Variants in SOX5 observed in about 807,000 individuals in gnomAD.
SOX5 encodes the protein transcription factor SOX-5.
Under a neutral mutation model 92.0 loss-of-function variants are expected in SOX5, and 9 were observed. That is an observed-to-expected ratio of 0.10 (90% CI 0.06 to 0.17). The LOEUF is 0.17. SOX5 is among the 10% of genes least tolerant of loss of function. The pLI, the probability that SOX5 is intolerant of heterozygous loss-of-function variation, is 1.00. For missense variants in SOX5, 642 were observed against 944.5 expected (o/e 0.68, Z 4.20); for synonymous variants, 344 against 336.3 (o/e 1.02, Z -0.25).
chr12:23,734,273 C>G (rs1359438592), intron 6 of SOX5, among the ~76,000 whole-genome samples: 1 of 152,152 alleles, frequency 6.6e-6, no homozygotes, highest in Non-Finnish European at 1.5e-5. Context: ...ATCTTTATCA[C>G]ACATGGCTCT....
chr12:24,124,264 G>A (rs1419425497), intron 4 of SOX5, among the ~76,000 whole-genome samples: 1 of 152,098 alleles, frequency 6.6e-6, no homozygotes, highest in Non-Finnish European at 1.5e-5. Flanking sequence ...TTTAATGTAA[G>A]GCAGAAAAAT....
At chr12:23,846,393 G>A (rs2096575690) in intron 2 of SOX5, among the ~76,000 whole-genome samples, 200 bp from the exon 3 acceptor site, 1 of 152,142 alleles carries the variant, frequency 6.6e-6, no homozygotes, top group Non-Finnish European at 1.5e-5. Context: ...AAGAAACCAA[G>A]AAATTTCAAA....
At chr12:23,986,576 C>A (rs1203439794) in intron 4 of SOX5, among the ~76,000 whole-genome samples, 1 of 152,000 alleles carries the variant, frequency 6.6e-6, no homozygotes, top group Non-Finnish European at 1.5e-5. Flanking sequence ...TTTATCAGTC[C>A]ATAGAGAAGT....
chr12:24,315,011 G>A (rs992935327), intron 2 of SOX5, among the ~76,000 whole-genome samples: 22 of 152,316 alleles, frequency 1.4e-4, no homozygotes, highest in Admixed American at 1.3e-3. Flanking sequence ...AATATTAATG[G>A]ATGAGTTAAT....
chr12:23,821,686 A>G (rs6487360), intron 3 of SOX5, among the ~76,000 whole-genome samples: 72,344 of 152,078 alleles, frequency 0.48, 17,613 homozygotes, highest in East Asian at 0.85. Flanking sequence ...TGATCGTGGT[A>G]GATAAGCTTT....
chr12:23,887,040 T>G (rs544982885), intron 2 of SOX5, among the ~76,000 whole-genome samples: 1 of 152,156 alleles, frequency 6.6e-6, no homozygotes, highest in Non-Finnish European at 1.5e-5. Context: ...TCAGAATAAA[T>G]TGAAGAAATA....
chr12:24,270,402 A>C (rs1455218912), intron 3 of SOX5, among the ~76,000 whole-genome samples: 1 of 152,156 alleles, frequency 6.6e-6, no homozygotes, highest in African/African-American at 2.4e-5. Context: ...ATTTTACTTA[A>C]TTTTGAAGAT....
chr12:24,540,938 C>A (rs1952068010), intron 1 of SOX5, among the ~76,000 whole-genome samples: 1 of 152,120 alleles, frequency 6.6e-6, no homozygotes, highest in Admixed American at 6.6e-5. Flanking sequence ...CCATAAGTTG[C>A]ATTGCAAAAT....
At chr12:24,384,963 G>T (rs2136408984) in intron 1 of SOX5, among the ~76,000 whole-genome samples, 1 of 152,190 alleles carries the variant, frequency 6.6e-6, no homozygotes, top group Non-Finnish European at 1.5e-5. Flanking sequence ...TGTGGGCATT[G>T]TACCACCTCA....
chr12:24,143,783 G>A (rs539050641), intron 4 of SOX5, among the ~76,000 whole-genome samples: 28 of 151,316 alleles, frequency 1.9e-4, no homozygotes, highest in Non-Finnish European at 3.2e-4. Flanking sequence ...CAGACAGAAC[G>A]ACAGGTAATA....
At chr12:24,213,860 C>T (rs1054649083) in intron 3 of SOX5, among the ~76,000 whole-genome samples, 2 of 152,046 alleles carry the variant, frequency 1.3e-5, no homozygotes, top group African/African-American at 4.8e-5. Flanking sequence ...AACTCACTCA[C>T]ACAAGTGTGT....
chr12:24,199,682 T>C (rs767027484), intron 4 of SOX5, among the ~76,000 whole-genome samples: 3 of 152,230 alleles, frequency 2.0e-5, no homozygotes, highest in Non-Finnish European at 4.4e-5. Context: ...CTCATGCTTA[T>C]GTTGGAGACA....
chr12:24,106,696 G>C (rs770078953), intron 4 of SOX5, among the ~76,000 whole-genome samples: 10 of 151,620 alleles, frequency 6.6e-5, no homozygotes, highest in Non-Finnish European at 8.8e-5. Context: ...GGAGGCTGTG[G>C]TGGGGGAATT....
At chr12:23,626,659 C>G (rs1290405572) in intron 8 of SOX5, among the ~76,000 whole-genome samples, 1 of 132,260 alleles carries the variant, frequency 7.6e-6, no homozygotes, top group African/African-American at 2.8e-5. Context: ...CTCTTGGCTG[C>G]TTTCATTAGT....
intron 1 of SOX5, among the ~76,000 whole-genome samples, chr12:24,434,292 G>A (rs1269202247): frequency 1.3e-5 from 2 of 152,180 alleles, no homozygotes; most frequent in Non-Finnish European, 2.9e-5. Flanking sequence ...AGGATATATA[G>A]AGAAGAAACT....
At chr12:23,894,944 A>C (rs1390474139) in intron 2 of SOX5, among the ~76,000 whole-genome samples, 1 of 152,204 alleles carries the variant, frequency 6.6e-6, no homozygotes, top group Non-Finnish European at 1.5e-5. Flanking sequence ...AAGCAGCCAC[A>C]CTGAAAAGGT....
At chr12:24,068,731 TATATATATATATATATACAC>T (rs1260655752) in intron 4 of SOX5, among the ~76,000 whole-genome samples, 2 of 92,074 alleles carry the variant, frequency 2.2e-5, no homozygotes, top group African/African-American at 4.2e-5. Context: ...TATATATATA[TATATATATATATATATACAC>T]ACACACACAT....
chr12:24,083,404 T>C (rs746660553), intron 4 of SOX5, among the ~76,000 whole-genome samples: 2 of 152,100 alleles, frequency 1.3e-5, no homozygotes, highest in Non-Finnish European at 2.9e-5. Flanking sequence ...TCTAAGCATA[T>C]GCTATCTGCC....
intron 4 of SOX5, among the ~76,000 whole-genome samples, chr12:24,106,593 C>G (rs1946696095): frequency 6.6e-6 from 1 of 151,900 alleles, no homozygotes; most frequent in Non-Finnish European, 1.5e-5. Context: ...CAGTTCGAGA[C>G]CAGCCTGGCT....
Sources: allele counts gnomAD v4.1 joint callset (sites outside exome capture counted in the v4.1 genomes callset), GRCh38; gene constraint gnomAD v4.1.1; transcripts MANE v1.5; gene names NCBI Gene and HGNC (gene_info 2026-07-23, HGNC 2026-07-21).